NDST4: variants seen among roughly 807,000 people sequenced by gnomAD.
NDST4 encodes N-heparan sulfate sulfotransferase 4.
In NDST4, 63 loss-of-function variants were observed where a neutral mutation model predicts 100.8. The observed-to-expected ratio is 0.62, with a 90% CI of 0.51 to 0.77. The LOEUF (loss-of-function observed/expected upper bound fraction) is 0.77. NDST4 is among the 30% of genes least tolerant of loss of function. The pLI, the probability that NDST4 is intolerant of heterozygous loss-of-function variation, is 0.00. For missense variants in NDST4, 943 were observed against 1,018.4 expected (o/e 0.93, Z 1.01); for synonymous variants, 377 against 361.8 (o/e 1.04, Z -0.48).
chr4:114,933,432 C>CTTTTTTTTTTTTTTTTTTTCTTTTTTTT (rs1725556113), intron 6 of NDST4, among the ~76,000 whole-genome samples: 1 of 89,278 alleles, frequency 1.1e-5, no homozygotes, highest in Non-Finnish European at 2.1e-5. Flanking sequence ...TTTTCTTTTC[C>CTTTTTTTTTTTTTTTTTTTCTTTTTTTT]TTTTTTTTTT....
chr4:115,062,791 AT>A (rs1447210240), intron 2 of NDST4, among the ~76,000 whole-genome samples: 1 of 151,966 alleles, frequency 6.6e-6, no homozygotes. Flanking sequence ...CAATACCAAC[AT>A]TGGAGATAGT....
intron 6 of NDST4, among the ~76,000 whole-genome samples, chr4:114,911,307 A>T (rs774689469): frequency 2.6e-5 from 4 of 152,162 alleles, no homozygotes; most frequent in Non-Finnish European, 5.9e-5. Context: ...ATTCTACCCC[A>T]GAGCTTATGC....
intron 6 of NDST4, 149 bp downstream of exon 6, chr4:114,935,057 G>T: frequency 1.7e-6 from 1 of 589,932 alleles, no homozygotes; most frequent in Non-Finnish European, 2.4e-6. Flanking sequence ...ATTTTATCAA[G>T]AAAAGTATTT....
intron 2 of NDST4, among the ~76,000 whole-genome samples, chr4:115,003,150 G>A (rs1438532296): frequency 1.3e-5 from 2 of 152,112 alleles, no homozygotes; most frequent in African/African-American, 4.8e-5. Context: ...AAACCTAGAT[G>A]ACAGGTTGAT....
intron 11 of NDST4, among the ~76,000 whole-genome samples, chr4:114,834,551 G>C (rs1163620315): frequency 6.6e-6 from 1 of 150,950 alleles, no homozygotes. Flanking sequence ...ACTGGAAAAA[G>C]GTCAATGGTA....
chr4:115,001,372 G>A (rs370090821), intron 2 of NDST4, among the ~76,000 whole-genome samples: 5 of 151,742 alleles, frequency 3.3e-5, no homozygotes, highest in Admixed American at 6.6e-5. Flanking sequence ...AGAGTTGATC[G>A]GCCCACCAGA....
At position 114,998,898 on chromosome 4, in the gene NDST4, G is replaced by A. The variant is rs185560423; in HGVS notation, c.979-21624C>T. 3.0e-3 allele frequency among the ~76,000 whole-genome samples: 459 copies of A among 152,116 alleles called. 3 individuals are homozygous for A. The highest frequency in any genetic ancestry group is 0.01 in the African/African-American group (426 of 41,530). ...CTCATCCACCAAGCCTCATGATTAG[G>A]CGTGACTTGTGATTTCCCCCTATTG... On this transcript the variant is annotated intron_variant, in intron 2 of 13. Transcript: ENST00000264363.
intron 2 of NDST4, among the ~76,000 whole-genome samples, chr4:115,007,857 C>T (rs1376927553): frequency 7.7e-6 from 1 of 129,788 alleles, no homozygotes; most frequent in Non-Finnish European, 1.7e-5. Flanking sequence ...CCTCTCTGGG[C>T]TCTGTTTGCA....
At chr4:114,981,259 AAGG>A (rs1726765791) in intron 2 of NDST4, among the ~76,000 whole-genome samples, 1 of 150,146 alleles carries the variant, frequency 6.7e-6, no homozygotes. Flanking sequence ...GGAAGGAAGG[AAGG>A]AAGGAAGAAA....
At chr4:114,982,775 C>T (rs2126247151) in intron 2 of NDST4, among the ~76,000 whole-genome samples, 1 of 152,314 alleles carries the variant, frequency 6.6e-6, no homozygotes, top group East Asian at 1.9e-4. Flanking sequence ...CAGAGCATTT[C>T]AGAGACCTTC....
At position 115,106,862 on chromosome 4, in the gene NDST4, G is replaced by C. The variant is rs138469942; in HGVS notation, c.-247+6582C>G. 5.1e-3 allele frequency among the ~76,000 whole-genome samples: 776 copies of C among 152,198 alleles called. 8 individuals carry two copies. Among genetic ancestry groups the C allele is most frequent in the Non-Finnish European group, 8.0e-3 (545 of 68,006 alleles). On this transcript the variant is annotated intron_variant, in intron 1 of 13. Coordinates refer to ENST00000264363, the MANE Select transcript of NDST4 (RefSeq NM_022569.3). ...CAGCTCCTCTGCTACGTAAGATTTAGTAATAGCACTGAGACCAGGCAGTGG... is the reference window on the plus strand; with the variant it reads ...CAGCTCCTCTGCTACGTAAGATTTACTAATAGCACTGAGACCAGGCAGTGG...
chr4:115,074,877 C>T (rs1394129514), intron 2 of NDST4, among the ~76,000 whole-genome samples: 2 of 152,094 alleles, frequency 1.3e-5, no homozygotes, highest in Admixed American at 1.3e-4. Context: ...GTTGTGTCCT[C>T]TAATTTTTTA....
At chr4:114,871,363 T>A (rs1215328800) in intron 6 of NDST4, among the ~76,000 whole-genome samples, 9 of 152,132 alleles carry the variant, frequency 5.9e-5, no homozygotes, top group Admixed American at 5.9e-4. Flanking sequence ...CAAGAAAACG[T>A]GTTTCTTTGT....
chr4:114,859,665 C>A (rs1448858871), intron 7 of NDST4, among the ~76,000 whole-genome samples: 4 of 152,178 alleles, frequency 2.6e-5, no homozygotes, highest in Admixed American at 6.5e-5. Context: ...TCTGCATCCC[C>A]TCCTCACTCT....
chr4:114,829,444 T>C (rs977823246), intron 13 of NDST4, among the ~76,000 whole-genome samples: 27 of 152,220 alleles, frequency 1.8e-4, no homozygotes, highest in Admixed American at 7.2e-4. Context: ...GTATTGAATA[T>C]ATAATAATGA....
chr4:115,090,669 CT>C (rs931568869), intron 1 of NDST4, among the ~76,000 whole-genome samples: 1 of 151,780 alleles, frequency 6.6e-6, no homozygotes, highest in African/African-American at 2.4e-5. Context: ...GGTCTCCTAA[CT>C]TTTTCAACAC....
chr4:114,944,238 A>T (rs749169182), intron 4 of NDST4, among the ~76,000 whole-genome samples: 13 of 152,114 alleles, frequency 8.5e-5, no homozygotes, highest in Non-Finnish European at 7.4e-5. Context: ...CTGGTAGGAG[A>T]TCAGAGAGAA....
chr4:115,110,123 C>G (rs962731016), intron 1 of NDST4, among the ~76,000 whole-genome samples: 3 of 151,754 alleles, frequency 2.0e-5, no homozygotes, highest in Non-Finnish European at 2.9e-5. Flanking sequence ...GATAGTTTTC[C>G]TTAGAAAACT....
intron 6 of NDST4, among the ~76,000 whole-genome samples, chr4:114,924,307 C>T (rs149551100): frequency 1.5e-3 from 226 of 152,106 alleles, no homozygotes; most frequent in African/African-American, 4.8e-3. Context: ...TAATATCATA[C>T]GTTGTAAGTC....
Sources: allele counts gnomAD v4.1 joint callset (sites outside exome capture counted in the v4.1 genomes callset), GRCh38; gene constraint gnomAD v4.1.1; transcripts MANE v1.5; gene names NCBI Gene and HGNC (gene_info 2026-07-23, HGNC 2026-07-21).